The following ADGRL3 variants were observed in gnomAD, a reference collection of about 807,000 sequenced individuals.
ADGRL3 encodes the protein calcium-independent alpha-latrotoxin receptor 3.
ADGRL3 carries 62 observed loss-of-function variants against 153.5 expected under a neutral mutation model. The ratio of observed to expected loss-of-function variants is 0.40; its 90% CI spans 0.33 to 0.50. The LOEUF (loss-of-function observed/expected upper bound fraction) is 0.50. ADGRL3 is among the 20% of genes least tolerant of loss of function. The pLI is 0.47. For missense variants in ADGRL3, 1,641 were observed against 1,859.4 expected (o/e 0.88, Z 2.16); for synonymous variants, 710 against 672.5 (o/e 1.06, Z -0.86).
At chr4:61,688,524 A>G (rs1468262321) in intron 6 of ADGRL3, among the ~76,000 whole-genome samples, 2 of 152,134 alleles carry the variant, frequency 1.3e-5, no homozygotes, top group Non-Finnish European at 2.9e-5. Context: ...AAATATATTC[A>G]AACAGCTTTG....
intron 3 of ADGRL3, among the ~76,000 whole-genome samples, chr4:61,515,838 T>C (rs1382377923): frequency 6.6e-6 from 1 of 152,152 alleles, no homozygotes; most frequent in Non-Finnish European, 1.5e-5. Flanking sequence ...GAGAGGGATA[T>C]CTTAGGAGCC....
At chr4:61,595,338 G>A (rs1055700777) in intron 5 of ADGRL3, among the ~76,000 whole-genome samples, 2 of 152,122 alleles carry the variant, frequency 1.3e-5, no homozygotes, top group Non-Finnish European at 2.9e-5. Context: ...GGTATCAATG[G>A]TGGTTTTTCA....
At chr4:62,002,820 C>T (rs2099145128) in intron 21 of ADGRL3, among the ~76,000 whole-genome samples, 1 of 152,046 alleles carries the variant, frequency 6.6e-6, no homozygotes, top group African/African-American at 2.4e-5. Context: ...CATAGCAAAA[C>T]TCTAACCTAA....
At chr4:61,947,284 G>A (rs1424919123) in intron 16 of ADGRL3, among the ~76,000 whole-genome samples, 162 bp downstream of exon 16, 1 of 152,052 alleles carries the variant, frequency 6.6e-6, no homozygotes. Context: ...AATAAGATTT[G>A]GAGGAGGAGA....
intron 6 of ADGRL3, among the ~76,000 whole-genome samples, chr4:61,715,947 TAAAAA>T (rs59481591): frequency 1.2e-5 from 1 of 85,422 alleles, no homozygotes. Flanking sequence ...GCCCTTAAAG[TAAAAA>T]AAAAAAAAAA....
chr4:61,203,719 C>T (rs574000253), intron 1 of ADGRL3, among the ~76,000 whole-genome samples: 212 of 152,254 alleles, frequency 1.4e-3, no homozygotes, highest in African/African-American at 4.6e-3. Flanking sequence ...GGTAAGATTT[C>T]TTTTGTATAT....
At chr4:61,747,014 G>T (rs1401669015) in intron 8 of ADGRL3, among the ~76,000 whole-genome samples, 2 of 152,182 alleles carry the variant, frequency 1.3e-5, no homozygotes, top group Admixed American at 6.5e-5. Flanking sequence ...AATAAAAAAT[G>T]ATAAAGGGGA....
chr4:62,054,654 C>A (rs2151797727), intron 25 of ADGRL3, among the ~76,000 whole-genome samples: 1 of 151,420 alleles, frequency 6.6e-6, no homozygotes, highest in African/African-American at 2.4e-5. Flanking sequence ...TAGATAAGAT[C>A]ATTTTCTCAA....
chr4:61,287,410 C>T (rs2150090286), intron 1 of ADGRL3, among the ~76,000 whole-genome samples: 1 of 151,906 alleles, frequency 6.6e-6, no homozygotes, highest in East Asian at 1.9e-4. Context: ...GTGAGGATAA[C>T]TTTAATATGC....
At chr4:61,331,239 T>A (rs2150968514) in intron 1 of ADGRL3, among the ~76,000 whole-genome samples, 1 of 152,296 alleles carries the variant, frequency 6.6e-6, no homozygotes, top group African/African-American at 2.4e-5. Flanking sequence ...ATTTTAAGAT[T>A]AAAAAGTACA....
chr4:61,565,393 AT>A (rs1202681926), intron 4 of ADGRL3, among the ~76,000 whole-genome samples: 8 of 152,162 alleles, frequency 5.3e-5, no homozygotes, highest in Admixed American at 2.6e-4. Context: ...TTAATGACAT[AT>A]TATTTTGGCA....
intron 2 of ADGRL3, among the ~76,000 whole-genome samples, chr4:61,493,564 A>C (rs2098279932): frequency 6.6e-6 from 1 of 152,156 alleles, no homozygotes. Flanking sequence ...CTCCTCTTTC[A>C]CTATGGAAAT....
chr4:61,590,372 A>G (rs978256700), intron 5 of ADGRL3, among the ~76,000 whole-genome samples: 2 of 152,052 alleles, frequency 1.3e-5, no homozygotes, highest in African/African-American at 2.4e-5. Flanking sequence ...TATATTTTAG[A>G]GAGTTTTTTA....
chr4:61,338,214 T>C (rs1213598220), intron 1 of ADGRL3, among the ~76,000 whole-genome samples: 1 of 151,488 alleles, frequency 6.6e-6, no homozygotes, highest in East Asian at 1.9e-4. Context: ...GAAGCTGTAG[T>C]GAGCTGAGAT....
intron 1 of ADGRL3, among the ~76,000 whole-genome samples, chr4:61,377,985 T>A (rs2096624486): frequency 6.6e-6 from 1 of 152,084 alleles, no homozygotes; most frequent in Non-Finnish European, 1.5e-5. Flanking sequence ...CTTTCAAATA[T>A]TTAGGGATTT....
intron 1 of ADGRL3, among the ~76,000 whole-genome samples, chr4:61,312,707 A>G (rs1282557460): frequency 6.6e-6 from 1 of 152,216 alleles, no homozygotes; most frequent in Non-Finnish European, 1.5e-5. Flanking sequence ...TAGAATGACT[A>G]AAATCCAAAA....
chr4:61,536,426 G>C (rs941940009), intron 4 of ADGRL3, among the ~76,000 whole-genome samples: 10 of 152,000 alleles, frequency 6.6e-5, no homozygotes, highest in African/African-American at 2.4e-4. Context: ...TTTAAGTCCT[G>C]AGTTTCTTTG....
chr4:61,517,450 A>T lies in ADGRL3; in HGVS notation c.191A>T (p.Gln64Leu). ...AAERTAAHRG[Q>L]GPRGATRGVR... is the part of the protein sequence containing the mutation. ...GAGCGCACCGCTGCTCATCGTGGAC[A>T]AGGGCCCCGTGGAGCTACCAGAGGA... is the stretch of plus-strand genomic sequence containing the variant. The change falls in exon 4 of 27, where the codon CAA (glutamine) becomes CTA (leucine). Residue 64 changes from glutamine to leucine, a missense_variant. Coordinates refer to ENST00000683033, the MANE Select transcript of ADGRL3 (RefSeq NM_001387552.1). The T allele has an allele frequency of 1.2e-6, 1 of 802,730 alleles. No homozygotes were observed. The highest frequency in any genetic ancestry group is 2.1e-6 in the Non-Finnish European group (1 of 476,192). 49.7% of individuals were successfully genotyped at this position (802,730 alleles called of 1,614,324 possible). A position where few individuals can be genotyped will look rare whatever the true frequency, so the allele number is the denominator to read the frequency against.
intron 8 of ADGRL3, among the ~76,000 whole-genome samples, chr4:61,800,002 C>T (rs977535056): frequency 2.6e-5 from 4 of 152,130 alleles, no homozygotes; most frequent in Non-Finnish European, 5.9e-5. Flanking sequence ...CTGCAATTAG[C>T]GCACAAGTCT....
Sources: allele counts gnomAD v4.1 joint callset (sites outside exome capture counted in the v4.1 genomes callset), GRCh38; gene constraint gnomAD v4.1.1; transcripts MANE v1.5; gene names NCBI Gene and HGNC (gene_info 2026-07-23, HGNC 2026-07-21).